Variants in LRRC41 observed in about 807,000 individuals in gnomAD.
LRRC41 encodes leucine rich repeat containing 41.
LRRC41 carries 17 observed loss-of-function variants against 72.1 expected under a neutral mutation model. The observed-to-expected ratio is 0.24, with a 90% CI of 0.16 to 0.35. The LOEUF (loss-of-function observed/expected upper bound fraction) is 0.35, where lower values mean the gene tolerates loss of function less well. LRRC41 is among the 10% of genes least tolerant of loss of function. The pLI, the probability that LRRC41 is intolerant of heterozygous loss-of-function variation, is 1.00. For synonymous variants in LRRC41, 427 were observed against 431.0 expected (o/e 0.99, Z 0.11); for missense variants, 759 against 1,065.0 (o/e 0.71, Z 4.00).
Position 46,286,980 on chromosome 1 carries a change from G to A in LRRC41, c.358-481C>T, listed in dbSNP as rs1206287259. Reference sequence around the variant, plus strand: ...ATTACAGGCGCCCGCCACCACACCTGGCTAATTTTTGTATGTTTCATCATA... The same window carrying A: ...ATTACAGGCGCCCGCCACCACACCTAGCTAATTTTTGTATGTTTCATCATA... On this transcript the variant is annotated intron_variant, in intron 3 of 9. Transcript: ENST00000617190. The surrounding 1 kb of genome is among the most constrained non-coding windows in gnomAD (Gnocchi z 5.5). Among the ~76,000 whole-genome samples, 3 of 151,950 alleles carry A rather than the reference G, an allele frequency of 2.0e-5. No homozygotes were observed. Among genetic ancestry groups the A allele is most frequent in the African/African-American group, 7.3e-5 (3 of 41,310 alleles).
intron 3 of LRRC41, among the ~76,000 whole-genome samples, chr1:46,295,497 CTGTT>C (rs1392538764): frequency 1.3e-5 from 2 of 152,290 alleles, no homozygotes; most frequent in South Asian, 2.1e-4. Flanking sequence ...CACTGAATAA[CTGTT>C]TGTGACTTAT....
At chr1:46,298,561 A>G in intron 1 of LRRC41, 191 bp from the exon 2 acceptor site, 1 of 476,780 alleles carries the variant, frequency 2.1e-6, no homozygotes. Context: ...CTCAGTTGGA[A>G]GCTGGAATTT....
rs1413014642 is a variant in LRRC41, at chr1:46,285,828, G to A, written c.1029C>T (p.His343=). The A allele has an allele frequency of 6.3e-7, 1 of 1,594,328 alleles. No individual in the cohort carries two copies. Among genetic ancestry groups the A allele is most frequent in the African/African-American group, 1.3e-5 (1 of 74,230 alleles). ...GAGCCTCATGGGAGGTGGCTGGGGGGTGCAGCTCCCTCTTAAGGTCTGTTC... is the reference window on the plus strand; with the variant it reads ...GAGCCTCATGGGAGGTGGCTGGGGGATGCAGCTCCCTCTTAAGGTCTGTTC... ...AGGTDLKREL[H]PPATSHEAPG... is the part of the protein sequence containing the mutation. The change falls in exon 4 of 10, where the codon CAC becomes CAT. Residue 343 remains histidine, a synonymous_variant. Transcript: ENST00000617190. The surrounding 1 kb of genome is among the most constrained non-coding windows in gnomAD (Gnocchi z 5.3).
intron 3 of LRRC41, among the ~76,000 whole-genome samples, chr1:46,293,335 G>A (rs183900563): frequency 6.6e-6 from 1 of 152,050 alleles, no homozygotes; most frequent in African/African-American, 2.4e-5. Context: ...GACCCCTGAC[G>A]CTCAATTGAT....
In LRRC41 at chr1:46,302,501, G is replaced by A. The variant is rs1308933435; in HGVS notation, c.199+623C>T. The A allele has an allele frequency of 1.0e-6, 1 of 985,244 alleles. No individual in the cohort carries two copies. Among genetic ancestry groups the A allele is most frequent in the Non-Finnish European group, 1.2e-6 (1 of 829,916 alleles). 61.0% of individuals were successfully genotyped at this position (985,244 alleles called of 1,614,324 possible). On this transcript the variant is annotated intron_variant, in intron 1 of 9. Coordinates refer to ENST00000617190, the MANE Select transcript of LRRC41 (RefSeq NM_006369.5). This position sits in a 1 kb window ranked among gnomAD's most constrained non-coding sequence, Gnocchi z 4.7. ...GTCGGTTCGCTCCCGTCAGCCCTGG[G>A]CCGTCAGACAGGCCGCGGCGCCCCG... is the stretch of plus-strand genomic sequence containing the variant.
intron 2 of LRRC41, 85 bp downstream of exon 2, chr1:46,298,199 G>A (rs1268387826): frequency 1.1e-6 from 1 of 948,428 alleles, no homozygotes; most frequent in Non-Finnish European, 1.6e-6. Context: ...AGTTCTAGCA[G>A]GTATCAGGGG....
chr1:46,302,119 G>A lies in LRRC41; in HGVS notation c.199+1005C>T, dbSNP rs1661246069. On this transcript the variant is annotated intron_variant, in intron 1 of 9. Transcript: ENST00000617190. This position sits in a 1 kb window ranked among gnomAD's most constrained non-coding sequence, Gnocchi z 4.7. ...GCCCTCCCCGGCCGTTCATCCCGGC[G>A]CCCCAGGCCGCCCTCCATCCAGGCC... 1.0e-6 allele frequency: 1 copy of A among 984,978 alleles called. No homozygotes were observed. The highest frequency in any genetic ancestry group is 4.7e-5 in the South Asian group (1 of 21,274). The allele number at this position is 984,978 out of a possible 1,614,324, so 61.0% of individuals were successfully genotyped here.
intron 3 of LRRC41, among the ~76,000 whole-genome samples, chr1:46,290,922 T>TG (rs1309000986): frequency 8.8e-6 from 1 of 113,886 alleles, no homozygotes; most frequent in Non-Finnish European, 1.9e-5. Context: ...TCTAGTTTTT[T>TG]TTTTTTTTTT....
At position 46,303,333 on chromosome 1, in the gene LRRC41, T is replaced by C. The variant is rs1569674774; in HGVS notation, c.-11A>G. 5 of 1,505,154 alleles carry C rather than the reference T, an allele frequency of 3.3e-6. No individual in the cohort carries two copies. Among genetic ancestry groups the C allele is most frequent in the East Asian group, 2.5e-5 (1 of 39,556 alleles). 93.2% of individuals were successfully genotyped at this position (1,505,154 alleles called of 1,614,324 possible). On this transcript the variant is annotated 5_prime_UTR_variant, in exon 1 of 10. Coordinates refer to ENST00000617190, the MANE Select transcript of LRRC41 (RefSeq NM_006369.5). ...CTCGGGCGCCGCCATCTTGGGGAGG[T>C]GCGCGAGCCCGAGAGTGTCGCCCGC... is the stretch of plus-strand genomic sequence containing the variant.
At chr1:46,283,855 G>A (rs1569640032) in intron 4 of LRRC41, among the ~76,000 whole-genome samples, 1 of 152,030 alleles carries the variant, frequency 6.6e-6, no homozygotes, top group Admixed American at 6.6e-5. Flanking sequence ...TAGTAGAGAT[G>A]GGGTTTCACC....
intron 5 of LRRC41, among the ~76,000 whole-genome samples, chr1:46,280,832 T>C (rs1026212850): frequency 6.6e-6 from 1 of 152,102 alleles, no homozygotes. Flanking sequence ...ATAGGAGACA[T>C]ACAAGAACTA....
chr1:46,281,026 T>C (rs1196692579), intron 5 of LRRC41, 99 bp downstream of exon 5: 4 of 1,503,052 alleles, frequency 2.7e-6, no homozygotes, highest in Admixed American at 1.9e-5. Flanking sequence ...GAATGAGTGA[T>C]AGAAGAGGTC....
rs745836285 is a variant in LRRC41 at position 46,278,055 on chromosome 1, G to A, written c.*810C>T. ...GATGGGATCTGTAGTGACTTCAGCT[G>A]TGCCTTCTGTCCCTAGGTTGCACTG... On this transcript the variant is annotated 3_prime_UTR_variant, in exon 10 of 10. Transcript: ENST00000617190. The A allele has an allele frequency of 3.1e-6, 5 of 1,614,018 alleles. No homozygotes were observed. The South Asian group carries it at 5.5e-5, about 18-fold the overall frequency.
chr1:46,279,334 G>C lies in LRRC41; in HGVS notation c.2144-77C>G, dbSNP rs1179173270. On this transcript the variant is annotated intron_variant, in intron 8 of 9. Transcript: ENST00000617190. This position sits in a 1 kb window ranked among gnomAD's most constrained non-coding sequence, Gnocchi z 4.5. Reference sequence around the variant, plus strand: ...GGGTATCCCAACCCAACTATGGCTGGCAGAACCAGCCCTGCTGGTTCCTGA... The same window carrying C: ...GGGTATCCCAACCCAACTATGGCTGCCAGAACCAGCCCTGCTGGTTCCTGA... The C allele has an allele frequency of 6.3e-7, 1 of 1,575,312 alleles. No individual in the cohort carries two copies. Among genetic ancestry groups the C allele is most frequent in the East Asian group, 2.2e-5 (1 of 44,686 alleles).
chr1:46,303,501 G>A lies in LRRC41; in HGVS notation c.-179C>T. On this transcript the variant is annotated 5_prime_UTR_variant, in exon 1 of 10. Coordinates refer to ENST00000617190, the MANE Select transcript of LRRC41 (RefSeq NM_006369.5). Reference sequence around the variant, plus strand: ...AGCTACTATTTTAGATAAACTCCTAGATCAATTATACTTGGGTGTGGTATG... The same window carrying A: ...AGCTACTATTTTAGATAAACTCCTAAATCAATTATACTTGGGTGTGGTATG... 3 of 747,826 alleles carry A rather than the reference G, an allele frequency of 4.0e-6. No individual in the cohort carries two copies. The highest frequency in any genetic ancestry group is 6.3e-6 in the Non-Finnish European group (3 of 472,748). 46.3% of individuals were successfully genotyped at this position (747,826 alleles called of 1,614,324 possible).
In LRRC41 at chr1:46,301,661, C is replaced by G. The variant is rs567999834; in HGVS notation, c.199+1463G>C. Among the ~76,000 whole-genome samples the G allele has an allele frequency of 1.3e-3, 194 of 152,210 alleles. 1 individual carries two copies. The highest frequency in any genetic ancestry group is 4.4e-3 in the African/African-American group (182 of 41,532). On this transcript the variant is annotated intron_variant, in intron 1 of 9. Coordinates refer to ENST00000617190, the MANE Select transcript of LRRC41 (RefSeq NM_006369.5). ...CTCCAGGGCCTTTTCCCCACACCCCCTCCTCATGGCATAACTCAAACTCCG... is the reference window on the plus strand; with the variant it reads ...CTCCAGGGCCTTTTCCCCACACCCCGTCCTCATGGCATAACTCAAACTCCG...
intron 3 of LRRC41, among the ~76,000 whole-genome samples, chr1:46,289,504 G>A (rs1660959992): frequency 6.6e-6 from 1 of 152,154 alleles, no homozygotes; most frequent in Non-Finnish European, 1.5e-5. Flanking sequence ...GCTCACACCT[G>A]TAATCCCAGC....
rs760694101 is a variant in LRRC41, at chr1:46,280,406, T to C, written c.1911A>G (p.Gln637=). Reference sequence around the variant, plus strand: ...CTGGCTGGGTCCTACCTTTGAGTGTTTGCAAAACAAGCCCAAAATCCTGGG... The same window carrying C: ...CTGGCTGGGTCCTACCTTTGAGTGTCTGCAAAACAAGCCCAAAATCCTGGG... ...ASPQDFGLVL[Q]TLKEYNLALK... is the part of the protein sequence containing the mutation. Residue 637 remains glutamine, a synonymous_variant, in exon 6 of 10, where the codon CAA becomes CAG. Transcript: ENST00000617190. 1.2e-6 allele frequency: 2 copies of C among 1,614,168 alleles called. No individual in the cohort carries two copies. Among genetic ancestry groups the C allele is most frequent in the African/African-American group, 1.3e-5 (1 of 75,020 alleles).
At chr1:46,296,120 A>G (rs988000889) in intron 3 of LRRC41, among the ~76,000 whole-genome samples, 6 of 152,112 alleles carry the variant, frequency 3.9e-5, no homozygotes, top group African/African-American at 1.4e-4. Flanking sequence ...TCCCTATTAA[A>G]CTGGTAGGTC....
Sources: gnomAD v4.1 joint callset for allele counts (sites outside exome capture counted in the v4.1 genomes callset) on GRCh38, gnomAD v4.1.1 for gene constraint, Gnocchi (gnomAD v3.1) non-coding constraint, MANE v1.5 for transcripts, NCBI Gene and HGNC (gene_info 2026-07-23, HGNC 2026-07-21) for gene names.